The following NCOR2 variants were observed in gnomAD, a reference collection of about 807,000 sequenced individuals.
The protein encoded by NCOR2 is CTG repeat protein 26.
In NCOR2, 81 loss-of-function variants were observed where a neutral mutation model predicts 262.9. That is an observed-to-expected ratio of 0.31 (90% confidence interval 0.26 to 0.37). The LOEUF (loss-of-function observed/expected upper bound fraction) is 0.37, where lower values mean the gene tolerates loss of function less well. Ranked by LOEUF, NCOR2 falls within the 10% of genes least tolerant of loss-of-function variation. NCOR2 has a pLI of 1.00. For synonymous variants in NCOR2, 1,659 were observed against 1,559.3 expected, an observed-to-expected ratio of 1.06 and a Z score of -1.51; for missense variants, 3,385 against 3,621.4, an observed-to-expected ratio of 0.93 and a Z score of 1.68.
intron 15 of NCOR2, 86 bp from the exon 18 acceptor site, chr12:124,398,267 G>A: frequency 5.5e-6 from 8 of 1,444,718 alleles, no homozygotes; most frequent in Non-Finnish European, 7.8e-6. Flanking sequence ...GAGCCAGGGA[G>A]GGAGTAGACC....
chr12:124,397,263 G>A (rs1020328100), intron 16 of NCOR2, among the ~76,000 whole-genome samples: 4 of 152,264 alleles, frequency 2.6e-5, no homozygotes, highest in Admixed American at 1.3e-4. Flanking sequence ...GAGGAGATTC[G>A]CTCCCACTCA....
chr12:124,374,454 G>A (rs1367886254), exon 19 of NCOR2: 1 of 1,612,472 alleles, frequency 6.2e-7, no homozygotes, highest in African/African-American at 1.3e-5. Context: ...ATTCCCAGAG[G>A]CATGTAAGGC....
chr12:124,495,336 TC>T, upstream of NCOR2: 1 of 1,483,604 alleles, frequency 6.7e-7, no homozygotes, highest in South Asian at 1.3e-5. This position sits in a 1 kb window ranked among gnomAD's most constrained non-coding sequence, Gnocchi z 4.4. Context: ...CCAGTCCTCG[TC>T]ATCAGCTCAC....
At chr12:124,369,160 G>A (rs1328669277) in intron 20 of NCOR2, among the ~76,000 whole-genome samples, 1 of 152,232 alleles carries the variant, frequency 6.6e-6, no homozygotes, top group Non-Finnish European at 1.5e-5. Flanking sequence ...CCCAAGGCCA[G>A]GCCCTGCCAA....
At chr12:124,442,334 TCTTG>T (rs2044858198) in intron 7 of NCOR2, among the ~76,000 whole-genome samples, 1 of 152,098 alleles carries the variant, frequency 6.6e-6, no homozygotes, top group South Asian at 2.1e-4. Flanking sequence ...AGAGATGAGG[TCTTG>T]CTTTGTTGCC....
At position 124,548,534 on chromosome 12, in the gene NCOR2, T is replaced by G. The variant is rs1383792205; in HGVS notation, c.-164-12923A>C. 6.6e-6 allele frequency among the ~76,000 whole-genome samples: 1 copy of G among 152,134 alleles called. No individual in the cohort carries two copies. Among genetic ancestry groups the G allele is most frequent in the Non-Finnish European group, 1.5e-5 (1 of 68,038 alleles). On this transcript the variant is annotated intron_variant, in intron 1 of 32. Transcript: ENST00000458234. The surrounding 1 kb of genome is among the most constrained non-coding windows in gnomAD (Gnocchi z 5.1). ...ATTCTTTTCTTTTTGTCATTATTATTGATATGAAAACAGAGGGTCTCGATG... is the reference window on the plus strand; with the variant it reads ...ATTCTTTTCTTTTTGTCATTATTATGGATATGAAAACAGAGGGTCTCGATG...
Position 124,389,686 on chromosome 12 carries a change from G to C in NCOR2, c.1877-3799C>G, listed in dbSNP as rs990526810. ...GTGGGCAGGGCTAGCCTCGCATTCC[G>C]GAGGGATCCCGGGATTTGAGGAGCC... On this transcript the variant is annotated intron_variant, in intron 16 of 46. Transcript: ENST00000405201. The surrounding 1 kb of genome is among the most constrained non-coding windows in gnomAD (Gnocchi z 4.4). 1.3e-5 allele frequency among the ~76,000 whole-genome samples: 2 copies of C among 152,152 alleles called. No individual in the cohort carries two copies. The highest frequency in any genetic ancestry group is 4.8e-5 in the African/African-American group (2 of 41,422).
intron 43 of NCOR2, 80 bp from the exon 46 acceptor site, chr12:124,330,978 C>T: frequency 2.7e-6 from 4 of 1,468,226 alleles, no homozygotes; most frequent in Non-Finnish European, 3.7e-6. Flanking sequence ...TGGTCCAGGC[C>T]AGGTGTGCTG....
intron 18 of NCOR2, among the ~76,000 whole-genome samples, chr12:124,374,687 G>T (rs941967169): frequency 6.6e-6 from 1 of 152,240 alleles, no homozygotes; most frequent in Non-Finnish European, 1.5e-5. Flanking sequence ...CCCTGAGCAG[G>T]CTGGTCCAAT....
At chr12:124,354,664 G>A (rs1350630338) in intron 25 of NCOR2, 82 bp from the exon 28 acceptor site, 39 of 1,378,866 alleles carry the variant, frequency 2.8e-5, no homozygotes, top group Non-Finnish European at 3.6e-5. Context: ...CTGAGCCAGG[G>A]GCTGGGAAGC....
chr12:124,372,714 G>T, intron 19 of NCOR2, 104 bp from the exon 22 acceptor site: 1 of 1,024,298 alleles, frequency 9.8e-7, no homozygotes, highest in Non-Finnish European at 1.4e-6. Context: ...GTCGCCTGAT[G>T]CCAAAACAGC....
chr12:124,492,042 A>G (rs531371266), intron 1 of NCOR2, among the ~76,000 whole-genome samples: 1 of 152,294 alleles, frequency 6.6e-6, no homozygotes, highest in Non-Finnish European at 1.5e-5. Context: ...CAACTAAGTG[A>G]AGCCTCCCAT....
intron 7 of NCOR2, among the ~76,000 whole-genome samples, chr12:124,438,559 C>T (rs11832970): frequency 9.9e-5 from 15 of 151,394 alleles, no homozygotes; most frequent in South Asian, 4.2e-4. Context: ...AACCCCCGGG[C>T]GGGGGCGGTC....
At chr12:124,489,222 C>T (rs1417669530) in intron 1 of NCOR2, among the ~76,000 whole-genome samples, 1 of 152,130 alleles carries the variant, frequency 6.6e-6, no homozygotes, top group East Asian at 1.9e-4. Flanking sequence ...CGTCTCCAAG[C>T]AGGAGAGCTC....
At chr12:124,336,425 TG>T in intron 38 of NCOR2, 1 of 236,922 alleles carries the variant, frequency 4.2e-6, no homozygotes, top group Non-Finnish European at 7.6e-6. Flanking sequence ...AAAAAAACCA[TG>T]GTAAAATGAT....
At chr12:124,544,892 G>A (rs1262461289) in intron 1 of NCOR2, among the ~76,000 whole-genome samples, 2 of 152,130 alleles carry the variant, frequency 1.3e-5, no homozygotes, top group African/African-American at 4.8e-5. Flanking sequence ...GTTTCCTCTC[G>A]GTGAAACGGA....
At chr12:124,380,918 A>G (rs151054756) in intron 17 of NCOR2, among the ~76,000 whole-genome samples, 1 of 152,330 alleles carries the variant, frequency 6.6e-6, no homozygotes, top group Non-Finnish European at 1.5e-5. Context: ...CTGTGGGATC[A>G]GGAGGTGTGT....
exon 40 of NCOR2, chr12:124,335,261 C>A: frequency 3.7e-6 from 6 of 1,604,784 alleles, no homozygotes; most frequent in Non-Finnish European, 5.1e-6. Flanking sequence ...GGGCGGCCTC[C>A]CCGCCAAGCT....
At chr12:124,345,038 G>T in intron 31 of NCOR2, 87 bp from the exon 34 acceptor site, 3 of 1,264,564 alleles carry the variant, frequency 2.4e-6, no homozygotes, top group Non-Finnish European at 3.2e-6. Flanking sequence ...CAAAAAGTTT[G>T]TCATCTATAA....
Sources: gnomAD v4.1 joint callset for allele counts (sites outside exome capture counted in the v4.1 genomes callset) on GRCh38, gnomAD v4.1.1 for gene constraint, Gnocchi (gnomAD v3.1) non-coding constraint, MANE v1.5 for transcripts, NCBI Gene and HGNC (gene_info 2026-07-23, HGNC 2026-07-21) for gene names.